The following ZNF605 variants were observed in gnomAD, a reference collection of about 807,000 sequenced individuals.
The protein encoded by ZNF605 is zinc finger protein 605.
Under a neutral mutation model 7.9 loss-of-function variants are expected in ZNF605, and 9 were observed. That is an observed-to-expected ratio of 1.14 (90% CI 0.68 to 1.98). ZNF605 has a LOEUF of 1.98. ZNF605 is among the 30% of genes most tolerant of loss of function. The pLI, the probability that ZNF605 is intolerant of heterozygous loss-of-function variation, is 0.00. For missense variants in ZNF605, 673 were observed against 762.4 expected, an observed-to-expected ratio of 0.88 and a Z score of 1.38; for synonymous variants, 255 against 260.1, an observed-to-expected ratio of 0.98 and a Z score of 0.19.
intron 1 of ZNF605, among the ~76,000 whole-genome samples, chr12:132,954,407 G>A (rs1593609194): frequency 1.3e-5 from 1 of 78,064 alleles, no homozygotes; most frequent in Non-Finnish European, 2.6e-5. Context: ...GTGAGGTGGG[G>A]AGGGGATGAG....
At position 132,924,308 on chromosome 12, in the gene ZNF605, T is replaced by G. The variant is rs1952227532; in HGVS notation, c.*1065A>C. The G allele has an allele frequency of 6.6e-6, 1 of 152,266 alleles. No homozygotes were observed. The highest frequency in any genetic ancestry group is 6.5e-5 in the Admixed American group (1 of 15,278). The allele number at this position is 152,266 out of a possible 1,614,324, so 9.4% of individuals were successfully genotyped here. On this transcript the variant is annotated 3_prime_UTR_variant, in exon 5 of 5. Coordinates refer to ENST00000360187, the MANE Select transcript of ZNF605 (RefSeq NM_183238.4). ...CCTTTCTGAGAATTCTACCTGATGC[T>G]CCATGTGTTTCCACTCTGTTTCCAC...
chr12:132,919,173 A>G lies in ZNF605; in HGVS notation c.*6200T>C, dbSNP rs1247750337. ...ATTCACTTCTCCCACCCCCTATTGTAAGTTTAAGCTTGATTTGTTTTTTTA... is the reference window on the plus strand; with the variant it reads ...ATTCACTTCTCCCACCCCCTATTGTGAGTTTAAGCTTGATTTGTTTTTTTA... On this transcript the variant is annotated 3_prime_UTR_variant, in exon 5 of 5. Coordinates refer to ENST00000360187, the MANE Select transcript of ZNF605 (RefSeq NM_183238.4). 1 of 152,064 alleles carries G rather than the reference A, an allele frequency of 6.6e-6. No individual in the cohort carries two copies. Among genetic ancestry groups the G allele is most frequent in the African/African-American group, 2.4e-5 (1 of 41,384 alleles). The allele number at this position is 152,064 out of a possible 1,614,324, so 9.4% of individuals were successfully genotyped here. A position where few individuals can be genotyped will look rare whatever the true frequency, so the allele number is the denominator to read the frequency against.
At chr12:132,950,182 C>T (rs1952542376) in intron 1 of ZNF605, among the ~76,000 whole-genome samples, 1 of 152,050 alleles carries the variant, frequency 6.6e-6, no homozygotes, top group South Asian at 2.1e-4. Context: ...CGAATTAGTT[C>T]GGACCCTTTT....
chr12:132,926,733 C>T lies in ZNF605; in HGVS notation c.566G>A (p.Arg189Lys). 1 of 1,614,086 alleles carries T rather than the reference C, an allele frequency of 6.2e-7. No homozygotes were observed. The part of the protein sequence containing the change: ...NKKSQLVIHQ[R>K]THTGEKPYQC... ...ATAGGGCTTCTCTCCTGTATGAGTT[C>T]TCTGGTGTATAACAAGTTGTGACTT... The change falls in exon 5 of 5, where the codon AGA (arginine) becomes AAA (lysine). Residue 189 changes from arginine to lysine, a missense_variant. Transcript: ENST00000360187.
intron 3 of ZNF605, among the ~76,000 whole-genome samples, chr12:132,934,923 AG>A (rs1332387337): frequency 6.6e-6 from 1 of 152,186 alleles, no homozygotes; most frequent in Non-Finnish European, 1.5e-5. Flanking sequence ...AGGCTTAGAA[AG>A]GGTCTTTAGA....
intron 1 of ZNF605, among the ~76,000 whole-genome samples, chr12:132,954,534 C>T (rs946206011): frequency 9.2e-6 from 1 of 109,064 alleles, no homozygotes; most frequent in Non-Finnish European, 2.0e-5. Context: ...ATCAGGTGCC[C>T]AAGTCAGGCG....
intron 1 of ZNF605, among the ~76,000 whole-genome samples, chr12:132,952,194 C>T (rs1952580374): frequency 1.3e-5 from 2 of 151,912 alleles, no homozygotes; most frequent in Admixed American, 1.3e-4. Flanking sequence ...CGGTGGCTCA[C>T]GCCTGTAATC....
Position 132,938,947 on chromosome 12 carries a change from GGCGCT to G in ZNF605, c.16-5797_16-5793del, listed in dbSNP as rs1952399530. On this transcript the variant is annotated intron_variant, in intron 3 of 4. Transcript: ENST00000360187. ...GGTCCCCCAGCAGTGCTGGCCCACC[GGCGCT>G]GCGCTCGATTTCTCACCGAGCCTTA... Among the ~76,000 whole-genome samples the G allele has an allele frequency of 2.0e-5, 3 of 152,126 alleles. No individual in the cohort carries two copies. In the East Asian group the frequency reaches 5.8e-4, roughly 29 times the overall value.
rs1021645655 is a variant in ZNF605, at chr12:132,943,381, A to C, written c.15+2240T>G. Among the ~76,000 whole-genome samples, 8 of 151,778 alleles carry C rather than the reference A, an allele frequency of 5.3e-5. No homozygotes were observed. In the East Asian group the frequency reaches 1.6e-3, roughly 30 times the overall value. On this transcript the variant is annotated intron_variant, in intron 3 of 4. Coordinates refer to ENST00000360187, the MANE Select transcript of ZNF605 (RefSeq NM_183238.4). ...CTCAAAAAAAAAAAAAACAAAAAAA[A>C]CCTGTAGTGCATGTTCAGGTGTAAG...
chr12:132,937,586 T>C (rs1362500428), intron 3 of ZNF605, among the ~76,000 whole-genome samples: 4 of 152,012 alleles, frequency 2.6e-5, no homozygotes, highest in Non-Finnish European at 4.4e-5. Flanking sequence ...TGTCATTCAT[T>C]GTGGTGGGAA....
At position 132,923,899 on chromosome 12, in the gene ZNF605, T is replaced by A. The variant is rs1952224466; in HGVS notation, c.*1474A>T. On this transcript the variant is annotated 3_prime_UTR_variant, in exon 5 of 5. Coordinates refer to ENST00000360187, the MANE Select transcript of ZNF605 (RefSeq NM_183238.4). ...CTTTTTTTCTCTCTGTATATCACTT[T>A]GGTAGTTTTTATTCTTACTCTTCAA... is the stretch of plus-strand genomic sequence containing the variant. The A allele has an allele frequency of 6.6e-6, 1 of 152,218 alleles. No homozygotes were observed. 9.4% of individuals were successfully genotyped at this position (152,218 alleles called of 1,614,324 possible).
intron 3 of ZNF605, among the ~76,000 whole-genome samples, chr12:132,942,200 G>C (rs1307400367): frequency 1.3e-5 from 2 of 152,258 alleles, no homozygotes; most frequent in Admixed American, 6.5e-5. Context: ...GGGAGGCTCA[G>C]GGAAAGGGAA....
At position 132,956,289 on chromosome 12, in the gene ZNF605, G is replaced by C. The variant is rs1372654782; in HGVS notation, c.-332C>G. On this transcript the variant is annotated 5_prime_UTR_variant, in exon 1 of 5. Transcript: ENST00000360187. Reference sequence around the variant, plus strand: ...CGGCGGACACGGCCCGATCGGGGACGTGAACGCGCAGAACTACATTTCCCA... The same window carrying C: ...CGGCGGACACGGCCCGATCGGGGACCTGAACGCGCAGAACTACATTTCCCA... The C allele has an allele frequency of 6.6e-6, 1 of 152,144 alleles. No individual in the cohort carries two copies. Among genetic ancestry groups the C allele is most frequent in the Middle Eastern group, 3.2e-3 (1 of 314 alleles). The allele number at this position is 152,144 out of a possible 1,614,324, so 9.4% of individuals were successfully genotyped here. A position where few individuals can be genotyped will look rare whatever the true frequency, so the allele number is the denominator to read the frequency against.
chr12:132,920,550 A>T lies in ZNF605; in HGVS notation c.*4823T>A, dbSNP rs749471519. On this transcript the variant is annotated 3_prime_UTR_variant, in exon 5 of 5. Transcript: ENST00000360187. ...CATAAGGGAAATAAAGAATTATTAA[A>T]TATCATCACCAACTTCACAGATTTG... The T allele has an allele frequency of 2.6e-5, 4 of 152,242 alleles. No homozygotes were observed. Among genetic ancestry groups the T allele is most frequent in the Admixed American group, 6.5e-5 (1 of 15,280 alleles). 9.4% of individuals were successfully genotyped at this position (152,242 alleles called of 1,614,324 possible).
chr12:132,929,549 T>C (rs1263699409), intron 4 of ZNF605, among the ~76,000 whole-genome samples: 1 of 152,256 alleles, frequency 6.6e-6, no homozygotes, highest in East Asian at 1.9e-4. Flanking sequence ...TGTAGACAAG[T>C]GTGAGATCCA....
chr12:132,925,956 G>A lies in ZNF605; in HGVS notation c.1343C>T (p.Pro448Leu). ...CTTCCCACACTCACTGCATTCATAA[G>A]GCTTCTCCCCAGTGTGTGTTCTGTG... ...THHRTHTGEK[P>L]YECSECGKAF... The change falls in exon 5 of 5, where the codon CCT becomes CTT. Residue 448 changes from proline to leucine, a missense_variant. By Grantham distance (98) the Pro-to-Leu change is moderately conservative. Coordinates refer to ENST00000360187, the MANE Select transcript of ZNF605 (RefSeq NM_183238.4). 6.2e-7 allele frequency: 1 copy of A among 1,614,188 alleles called. No individual in the cohort carries two copies.
rs1051585250 is a variant in ZNF605 at position 132,923,454 on chromosome 12, T to C, written c.*1919A>G. On this transcript the variant is annotated 3_prime_UTR_variant, in exon 5 of 5. Transcript: ENST00000360187. ...TCATTTTTGAAAACGTTTTTGACAG[T>C]AACAGAATTCTAGGTTGCAGGGTTT... The C allele has an allele frequency of 1.3e-5, 2 of 152,222 alleles. No homozygotes were observed. Among genetic ancestry groups the C allele is most frequent in the African/African-American group, 4.8e-5 (2 of 41,454 alleles). 9.4% of individuals were successfully genotyped at this position (152,222 alleles called of 1,614,324 possible). A position where few individuals can be genotyped will look rare whatever the true frequency, so the allele number is the denominator to read the frequency against.
Position 132,936,883 on chromosome 12 carries a change from A to G in ZNF605, c.16-3728T>C, listed in dbSNP as rs377004942. Among the ~76,000 whole-genome samples the G allele has an allele frequency of 4.8e-3, 726 of 152,320 alleles. 5 individuals carry two copies. Among genetic ancestry groups the G allele is most frequent in the African/African-American group, 0.017 (695 of 41,576 alleles). On this transcript the variant is annotated intron_variant, in intron 3 of 4. Transcript: ENST00000360187. Reference sequence around the variant, plus strand: ...TAAATTGGACTTTTTCAAAATTAAGAACTTTTGCTCTGTGAAAGACAATGT... The same window carrying G: ...TAAATTGGACTTTTTCAAAATTAAGGACTTTTGCTCTGTGAAAGACAATGT...
chr12:132,941,761 C>CTT lies in ZNF605; in HGVS notation c.15+3858_15+3859dup, dbSNP rs1952444490. Among the ~76,000 whole-genome samples, 1 of 151,784 alleles carries CTT rather than the reference C, an allele frequency of 6.6e-6. No individual in the cohort carries two copies. The highest frequency in any genetic ancestry group is 2.4e-5 in the African/African-American group (1 of 41,302). Reference sequence around the variant, plus strand: ...AGGCTGCCCTCCGTCACGCGTCCCTCTTCTCCGGGCTGCCCTCCGTCACGC... The same window carrying CTT: ...AGGCTGCCCTCCGTCACGCGTCCCTCTTTTCTCCGGGCTGCCCTCCGTCACGC... On this transcript the variant is annotated intron_variant, in intron 3 of 4. Coordinates refer to ENST00000360187, the MANE Select transcript of ZNF605 (RefSeq NM_183238.4). The surrounding 1 kb of genome is among the most constrained non-coding windows in gnomAD (Gnocchi z 5.1).
Sources: allele counts gnomAD v4.1 joint callset (sites outside exome capture counted in the v4.1 genomes callset), GRCh38; gene constraint gnomAD v4.1.1; non-coding constraint Gnocchi (gnomAD v3.1); transcripts MANE v1.5; gene names NCBI Gene and HGNC (gene_info 2026-07-23, HGNC 2026-07-21).